SNRK: variants seen among roughly 807,000 people sequenced by gnomAD.
SNRK encodes SNF-related serine/threonine-protein kinase.
In SNRK, 3 loss-of-function variants were observed where a neutral mutation model predicts 48.2. The observed-to-expected ratio is 0.06, with a 90% CI of 0.03 to 0.16. The LOEUF is 0.16. Among genes scored for constraint, SNRK ranks in the 10% least tolerant of loss-of-function variants. The probability of loss-of-function intolerance (pLI) is 1.00; values close to 1 mark genes in which losing one functional copy is unlikely to be tolerated. For missense variants in SNRK, 627 were observed against 976.0 expected, an observed-to-expected ratio of 0.64 and a Z score of 4.76; for synonymous variants, 376 against 366.1, an observed-to-expected ratio of 1.03 and a Z score of -0.31.
chr3:43,338,343 T>C (rs2091206863), intron 4 of SNRK, among the ~76,000 whole-genome samples: 2 of 152,264 alleles, frequency 1.3e-5, no homozygotes, highest in African/African-American at 4.8e-5. Flanking sequence ...AAAGATGGTT[T>C]CATTGAGTAT....
At chr3:43,297,103 T>C (rs1414955557) in intron 1 of SNRK, among the ~76,000 whole-genome samples, 1 of 152,188 alleles carries the variant, frequency 6.6e-6, no homozygotes, top group East Asian at 1.9e-4. Context: ...TGTAAAGACA[T>C]GTTATCTTAG....
chr3:43,297,559 G>T (rs1429494251), intron 1 of SNRK, among the ~76,000 whole-genome samples: 2 of 150,052 alleles, frequency 1.3e-5, no homozygotes, highest in Non-Finnish European at 2.9e-5. Flanking sequence ...ATCATAAAGG[G>T]TGGGATAATG....
chr3:43,294,575 G>T (rs1029772682), intron 1 of SNRK, among the ~76,000 whole-genome samples: 1 of 152,060 alleles, frequency 6.6e-6, no homozygotes, highest in African/African-American at 2.4e-5. Flanking sequence ...TCACCTTAGG[G>T]ATGCTCAACC....
intron 4 of SNRK, chr3:43,332,652 A>C (rs2091155478): frequency 6.1e-6 from 1 of 164,266 alleles, no homozygotes; most frequent in African/African-American, 2.4e-5. Context: ...CTTTCTCTGC[A>C]TGAGCAAAAA....
intron 3 of SNRK, among the ~76,000 whole-genome samples, chr3:43,329,671 C>T (rs2091131045): frequency 6.6e-6 from 1 of 152,044 alleles, no homozygotes; most frequent in Non-Finnish European, 1.5e-5. Context: ...TATTTGAGCC[C>T]TAACTGAAAA....
At chr3:43,292,282 CAATGAACTTTTA>C (rs1310921198) in intron 1 of SNRK, among the ~76,000 whole-genome samples, 1 of 152,150 alleles carries the variant, frequency 6.6e-6, no homozygotes, top group African/African-American at 2.4e-5. Context: ...TTGTAGTGAA[CAATGAACTTTTA>C]AAATTTGTTT....
chr3:43,295,777 T>C (rs1278631062), intron 1 of SNRK, among the ~76,000 whole-genome samples: 2 of 152,198 alleles, frequency 1.3e-5, no homozygotes, highest in Admixed American at 1.3e-4. Context: ...CTCACTCTTT[T>C]GCTCAGGCTG....
intron 3 of SNRK, among the ~76,000 whole-genome samples, chr3:43,318,720 G>A (rs929701710): frequency 1.3e-5 from 2 of 152,000 alleles, no homozygotes; most frequent in African/African-American, 4.8e-5. Context: ...TTGTTTTAGC[G>A]TTTTAGAATG....
chr3:43,305,480 A>AT (rs35255577), intron 3 of SNRK, among the ~76,000 whole-genome samples: 3,858 of 132,938 alleles, frequency 0.029, 198 homozygotes, highest in African/African-American at 0.089. Flanking sequence ...TTTATATACA[A>AT]TTTTTTTTTT....
In SNRK at chr3:43,349,786, G is replaced by A. The variant is rs1238175152; in HGVS notation, c.*1229G>A. 1.3e-5 allele frequency: 2 copies of A among 152,128 alleles called. No individual in the cohort carries two copies. The highest frequency in any genetic ancestry group is 2.9e-5 in the Non-Finnish European group (2 of 68,032). 9.4% of individuals were successfully genotyped at this position (152,128 alleles called of 1,614,324 possible). A position where few individuals can be genotyped will look rare whatever the true frequency, so the allele number is the denominator to read the frequency against. ...ATCATCTGTTGTGGCATTCTATCTT[G>A]TAGGACACTGTATATTGCAAATTGC... On this transcript the variant is annotated 3_prime_UTR_variant, in exon 7 of 7. Coordinates refer to ENST00000296088, the MANE Select transcript of SNRK (RefSeq NM_017719.5).
Position 43,350,631 on chromosome 3 carries a change from TACTC to T in SNRK, c.*2075_*2078del, listed in dbSNP as rs1195308170. On this transcript the variant is annotated 3_prime_UTR_variant, in exon 7 of 7. Transcript: ENST00000296088. ...ACAAATGTCAGTCTGAGTGGTGTCT[TACTC>T]CTTTGTTTATAAGTGAATGATTGTG... 2 of 152,594 alleles carry T rather than the reference TACTC, an allele frequency of 1.3e-5. No individual in the cohort carries two copies. Among genetic ancestry groups the T allele is most frequent in the Non-Finnish European group, 2.9e-5 (2 of 68,050 alleles). 9.5% of individuals were successfully genotyped at this position (152,594 alleles called of 1,614,324 possible).
chr3:43,322,433 CAA>C (rs1170340901), intron 3 of SNRK, among the ~76,000 whole-genome samples: 20 of 152,098 alleles, frequency 1.3e-4, no homozygotes, highest in African/African-American at 3.6e-4. Context: ...TTATTCGAAA[CAA>C]AATTATAATG....
At chr3:43,334,912 T>A (rs957965967) in intron 4 of SNRK, among the ~76,000 whole-genome samples, 1 of 152,178 alleles carries the variant, frequency 6.6e-6, no homozygotes. Flanking sequence ...TTTAGTTATA[T>A]TTTTTAAGTC....
intron 3 of SNRK, among the ~76,000 whole-genome samples, chr3:43,313,871 A>G (rs539287584): frequency 6.6e-6 from 1 of 152,346 alleles, no homozygotes; most frequent in Admixed American, 6.5e-5. Context: ...AAAAGTTTGA[A>G]TATAGATACA....
chr3:43,296,784 A>T (rs2090859097), intron 1 of SNRK, among the ~76,000 whole-genome samples: 1 of 152,212 alleles, frequency 6.6e-6, no homozygotes, highest in South Asian at 2.1e-4. Flanking sequence ...GGTGAATTCC[A>T]AATTGATAGT....
At chr3:43,336,330 CCTCT>C (rs1241876853) in intron 4 of SNRK, among the ~76,000 whole-genome samples, 4 of 142,796 alleles carry the variant, frequency 2.8e-5, no homozygotes, top group Non-Finnish European at 6.1e-5. Context: ...GCCTTCCCTC[CCTCT>C]CTTTCTTTTC....
intron 1 of SNRK, among the ~76,000 whole-genome samples, chr3:43,296,170 T>A (rs1054103992): frequency 6.6e-5 from 10 of 152,094 alleles, no homozygotes; most frequent in African/African-American, 2.4e-4. Flanking sequence ...ATACCATTTT[T>A]AAAATTTTAG....
At chr3:43,310,214 C>T (rs1239004997) in intron 3 of SNRK, among the ~76,000 whole-genome samples, 2 of 151,990 alleles carry the variant, frequency 1.3e-5, no homozygotes, top group Non-Finnish European at 2.9e-5. Flanking sequence ...AGTGTTTGGA[C>T]TTGTCCTATC....
intron 1 of SNRK, among the ~76,000 whole-genome samples, chr3:43,288,988 A>C (rs2090788328): frequency 6.6e-6 from 1 of 152,190 alleles, no homozygotes; most frequent in South Asian, 2.1e-4. Context: ...TATTCATGGA[A>C]TGTTTGTGTG....
Sources: gnomAD v4.1 joint callset for allele counts (sites outside exome capture counted in the v4.1 genomes callset) on GRCh38, gnomAD v4.1.1 for gene constraint, MANE v1.5 for transcripts, NCBI Gene and HGNC (gene_info 2026-07-23, HGNC 2026-07-21) for gene names.